Variants in AMMECR1 observed in about 807,000 individuals in gnomAD.
The protein encoded by AMMECR1 is nuclear protein AMMECR1.
AMMECR1 carries 3 observed loss-of-function variants against 22.5 expected under a neutral mutation model. The observed-to-expected ratio is 0.13, with a 90% CI of 0.06 to 0.35. The LOEUF is 0.35. Ranked by LOEUF, AMMECR1 falls within the 10% of genes least tolerant of loss-of-function variation. The pLI is 1.00. For synonymous variants in AMMECR1, 130 were observed against 116.7 expected, an observed-to-expected ratio of 1.11 and a Z score of -0.74; for missense variants, 235 against 278.7, an observed-to-expected ratio of 0.84 and a Z score of 1.12.
At chrX:110,345,712 C>T (rs1158583577) in intron 2 of AMMECR1, among the ~76,000 whole-genome samples, 1 of 109,263 alleles carries the variant, frequency 9.2e-6, no homozygotes, top group Non-Finnish European at 1.9e-5. Context: ...CCCATGTGTT[C>T]CCTGAATCAA....
intron 1 of AMMECR1, among the ~76,000 whole-genome samples, chrX:110,275,006 C>T (rs1274458671): frequency 3.6e-5 from 4 of 111,853 alleles, no homozygotes; most frequent in Non-Finnish European, 7.5e-5. Flanking sequence ...TCCTCCCATC[C>T]TTTGAGGCTA....
chrX:110,293,582 T>C (rs1433208051), intron 1 of AMMECR1, among the ~76,000 whole-genome samples: 1 of 111,257 alleles, frequency 9.0e-6, no homozygotes, highest in Non-Finnish European at 1.9e-5. Flanking sequence ...GCCATTCCTT[T>C]TGACCTACTC....
At chrX:110,267,714 C>A (rs1049306813) in intron 1 of AMMECR1, among the ~76,000 whole-genome samples, 1 of 111,797 alleles carries the variant, frequency 8.9e-6, no homozygotes, top group African/African-American at 3.3e-5. Context: ...AAATGAAAGT[C>A]ATTTAAGTGT....
intron 1 of AMMECR1, 122 bp downstream of exon 1, chrX:110,317,477 G>A (rs2068054561): frequency 3.8e-6 from 4 of 1,052,546 alleles, no homozygotes; most frequent in Admixed American, 4.2e-5. Context: ...GAGTAGCTCC[G>A]GGGACCCGGG....
At chrX:110,424,739 T>C (rs1329857362) in intron 2 of AMMECR1, among the ~76,000 whole-genome samples, 5 of 111,797 alleles carry the variant, frequency 4.5e-5, no homozygotes, top group African/African-American at 1.3e-4. Context: ...AATGGGGTTC[T>C]GTAAAATGTT....
intron 2 of AMMECR1, among the ~76,000 whole-genome samples, chrX:110,340,566 G>T (rs945741077): frequency 8.9e-6 from 1 of 111,792 alleles, no homozygotes; most frequent in African/African-American, 3.3e-5. Flanking sequence ...CCACTTAATA[G>T]TTACTAGTGT....
upstream of AMMECR1, among the ~76,000 whole-genome samples, chrX:110,318,472 A>C (rs909158395): frequency 1.8e-4 from 20 of 110,628 alleles, no homozygotes; most frequent in African/African-American, 5.9e-4. Context: ...GGAAGGAAGG[A>C]GGGAAAGGGA....
intron 2 of AMMECR1, among the ~76,000 whole-genome samples, chrX:110,375,970 C>G (rs923777883): frequency 3.6e-5 from 4 of 111,014 alleles, no homozygotes; most frequent in Non-Finnish European, 7.6e-5. Flanking sequence ...AATGCTATGT[C>G]CTGTCTGTCC....
At chrX:110,217,472 C>T (rs1476966981) in intron 2 of AMMECR1, among the ~76,000 whole-genome samples, 2 of 104,180 alleles carry the variant, frequency 1.9e-5, no homozygotes, top group African/African-American at 7.1e-5. Flanking sequence ...TGTGGAAAAA[C>T]CATAATTCTT....
At chrX:110,397,697 T>G (rs1294313632) in intron 2 of AMMECR1, among the ~76,000 whole-genome samples, 1 of 111,056 alleles carries the variant, frequency 9.0e-6, no homozygotes, top group Admixed American at 9.5e-5. Context: ...AACAGTGCCT[T>G]CCATTGGCCA....
intron 2 of AMMECR1, among the ~76,000 whole-genome samples, chrX:110,335,546 T>C (rs1019817540): frequency 9.0e-6 from 1 of 111,628 alleles, no homozygotes; most frequent in Admixed American, 9.5e-5. Context: ...CAGAGCTCTA[T>C]AGCAGCCCAC....
chrX:110,317,889 T>C lies in AMMECR1; in HGVS notation c.183A>G (p.Gly61=). ...GGGTACAGCCGCTGCCGCTACCTCC[T>C]CCGGTTAGACCTCCCAGCCCGTTGA... ...TRLNGLGGLT[G]GGSGSGCTLS... is the part of the protein sequence containing the mutation. Residue 61 remains glycine (G), a synonymous_variant, in exon 1 of 6, where the codon GGA becomes GGG. Transcript: ENST00000262844. 1.7e-6 allele frequency: 2 copies of C among 1,190,725 alleles called. No homozygotes were observed. The highest frequency in any genetic ancestry group is 2.3e-6 in the Non-Finnish European group (2 of 885,175).
chrX:110,324,854 G>C (rs1314861164), intron 2 of AMMECR1, among the ~76,000 whole-genome samples: 2 of 110,513 alleles, frequency 1.8e-5, no homozygotes, highest in Admixed American at 1.9e-4. Flanking sequence ...CTTCATCATG[G>C]TATATAATTA....
intron 2 of AMMECR1, among the ~76,000 whole-genome samples, chrX:110,372,841 A>G (rs1381248690): frequency 9.0e-6 from 1 of 111,664 alleles, no homozygotes; most frequent in South Asian, 3.8e-4. Flanking sequence ...GAAAAATGGG[A>G]CCAGGTATAT....
intron 2 of AMMECR1, among the ~76,000 whole-genome samples, chrX:110,257,350 T>C (rs759068634): frequency 4.5e-5 from 5 of 112,210 alleles, no homozygotes; most frequent in Non-Finnish European, 9.4e-5. Flanking sequence ...ATTTTCTTCA[T>C]TTGCCAAGCA....
intron 1 of AMMECR1, among the ~76,000 whole-genome samples, chrX:110,306,400 G>A (rs1408166957): frequency 4.5e-5 from 5 of 111,977 alleles, no homozygotes; most frequent in African/African-American, 1.3e-4. Context: ...TAAATACCTC[G>A]AAGCCTAAAT....
chrX:110,407,413 G>A (rs1411651040), intron 2 of AMMECR1, among the ~76,000 whole-genome samples: 1 of 111,845 alleles, frequency 8.9e-6, no homozygotes, highest in Non-Finnish European at 1.9e-5. Flanking sequence ...GGATAGGACA[G>A]GTAAGGTCAG....
At chrX:110,307,703 T>C (rs999103915) in intron 1 of AMMECR1, among the ~76,000 whole-genome samples, 5 of 110,695 alleles carry the variant, frequency 4.5e-5, no homozygotes, top group Non-Finnish European at 7.6e-5. Flanking sequence ...TAAAGCTACT[T>C]GTCCCATAGC....
intron 1 of AMMECR1, among the ~76,000 whole-genome samples, chrX:110,267,390 T>C (rs1251406382): frequency 1.8e-5 from 2 of 110,063 alleles, no homozygotes; most frequent in African/African-American, 6.6e-5. Flanking sequence ...GTCTCTTCTT[T>C]TTTTTTAAAA....
Sources: gnomAD v4.1 joint callset for allele counts (sites outside exome capture counted in the v4.1 genomes callset) on GRCh38, gnomAD v4.1.1 for gene constraint, MANE v1.5 for transcripts, NCBI Gene and HGNC (gene_info 2026-07-23, HGNC 2026-07-21) for gene names.